PKHD1: variants seen among roughly 807,000 people sequenced by gnomAD.
The protein encoded by PKHD1 is fibrocystin.
PKHD1 carries 291 observed loss-of-function variants against 412.0 expected under a neutral mutation model. That is an observed-to-expected ratio of 0.71 (90% CI 0.64 to 0.78). The LOEUF is 0.78. Ranked by LOEUF, PKHD1 falls within the 30% of genes least tolerant of loss-of-function variation. The pLI, the probability that PKHD1 is intolerant of heterozygous loss-of-function variation, is 0.00. For synonymous variants in PKHD1, 1,777 were observed against 1,821.5 expected (o/e 0.98, Z 0.62); for missense variants, 4,825 against 4,950.7 (o/e 0.97, Z 0.76).
rs762013793 is a variant in PKHD1, at chr6:52,022,954, C to CA, written c.5237-11dup. 3 of 1,614,008 alleles carry CA rather than the reference C, an allele frequency of 1.9e-6. No homozygotes were observed. The highest frequency in any genetic ancestry group is 2.2e-5 in the South Asian group (2 of 91,064). On this transcript the variant is annotated splice_polypyrimidine_tract_variant and intron_variant, in intron 32 of 66. Transcript: ENST00000371117. ...CTTCCACCCAGGCAGCCTTTAAAGA[C>CA]AAAGGTACAAGTTCTTGATCATACA...
Position 51,620,944 on chromosome 6 carries a change from G to A in PKHD1, c.11786-1424C>T, listed in dbSNP as rs1366028262. Among the ~76,000 whole-genome samples the A allele has an allele frequency of 2.0e-5, 3 of 151,908 alleles. No homozygotes were observed. The East Asian group carries it at 5.8e-4, about 29-fold the overall frequency. On this transcript the variant is annotated intron_variant, in intron 66 of 66. Transcript: ENST00000371117. ...CTGTCTCCTGTTCCACAGTCCATTT[G>A]TCTAGCATGTATCTTCTACAGCCAT...
At position 51,619,258 on chromosome 6, in the gene PKHD1, C is replaced by G. The variant is rs773638089; in HGVS notation, c.12048G>C (p.Gln4016His). The change falls in exon 67 of 67, where the codon CAG (glutamine) becomes CAC (histidine). Residue 4016 changes from glutamine (Q) to histidine (H), a missense_variant. Transcript: ENST00000371117. ...LLRYQLAGQNQLLLLCPDFRQ... is the reference protein window; with the variant it reads ...LLRYQLAGQNHLLLLCPDFRQ... Reference sequence around the variant, plus strand: ...TGAAGTCTGGGCATAGCAGCAGCAGCTGATTTTGGCCTGCCAGCTGGTATC... The same window carrying G: ...TGAAGTCTGGGCATAGCAGCAGCAGGTGATTTTGGCCTGCCAGCTGGTATC... 1 of 1,614,272 alleles carries G rather than the reference C, an allele frequency of 6.2e-7. No homozygotes were observed. Among genetic ancestry groups the G allele is most frequent in the East Asian group, 2.2e-5 (1 of 44,886 alleles).
chr6:51,831,300 T>C (rs1315496702), intron 51 of PKHD1, among the ~76,000 whole-genome samples: 3 of 152,198 alleles, frequency 2.0e-5, no homozygotes, highest in African/African-American at 7.2e-5. Flanking sequence ...ATAATCTCAC[T>C]ACCTTGCAAT....
intron 36 of PKHD1, among the ~76,000 whole-genome samples, chr6:51,954,605 A>G (rs1344767669): frequency 6.6e-6 from 1 of 152,050 alleles, no homozygotes; most frequent in African/African-American, 2.4e-5. Flanking sequence ...TTCCTTTTTT[A>G]TTGTATATAT....
intron 50 of PKHD1, among the ~76,000 whole-genome samples, chr6:51,837,504 C>T (rs1373680997): frequency 6.6e-6 from 1 of 152,002 alleles, no homozygotes. Context: ...GTCAGGAGTT[C>T]AAGACCAGCC....
Position 52,026,032 on chromosome 6 carries a change from C to A in PKHD1, c.3778G>T (p.Ala1260Ser). ...ETLPAPQIPD[A>S]GAPTVPAAVE... The stretch of plus-strand genomic sequence containing the variant: ...GCAGCTGGAACAGTGGGAGCGCCCG[C>A]ATCGGGTATCTGGGGGGCTGGCAGG... Residue 1260 changes from alanine to serine, a missense_variant, in exon 32 of 67, where the codon GCG (alanine) becomes TCG (serine). Coordinates refer to ENST00000371117, the MANE Select transcript of PKHD1 (RefSeq NM_138694.4). 21 of 1,614,136 alleles carry A rather than the reference C, an allele frequency of 1.3e-5. No homozygotes were observed. The highest frequency in any genetic ancestry group is 1.8e-5 in the Non-Finnish European group (21 of 1,180,044).
rs545223516 is a variant in PKHD1 at position 51,885,856 on chromosome 6, A to T, written c.7215+11T>A. On this transcript the variant is annotated intron_variant, in intron 45 of 66. Transcript: ENST00000371117. Reference sequence around the variant, plus strand: ...AACAACAACAATAACAACAACAACAAAAAAGCTTACCTGGGCACCACCTGC... The same window carrying T: ...AACAACAACAATAACAACAACAACATAAAAGCTTACCTGGGCACCACCTGC... The T allele has an allele frequency of 2.2e-4, 351 of 1,565,350 alleles. 1 individual carries two copies. Among genetic ancestry groups the T allele is most frequent in the Middle Eastern group, 1.7e-4 (1 of 5,988 alleles).
chr6:51,654,048 G>A (rs1771403067), intron 61 of PKHD1, among the ~76,000 whole-genome samples: 2 of 152,106 alleles, frequency 1.3e-5, no homozygotes, highest in Non-Finnish European at 2.9e-5. Context: ...TTTAATTCAA[G>A]ATATTGGTTG....
In PKHD1 at chr6:52,033,044, ATG is replaced by A. The variant is rs1803311274; in HGVS notation, c.3348_3349del (p.Ile1117LysfsTer7). On this transcript the variant is annotated frameshift_variant, in exon 29 of 67. Coordinates refer to ENST00000371117, the MANE Select transcript of PKHD1 (RefSeq NM_138694.4). LOFTEE classifies it high-confidence loss of function. ...ACATATTTTACCTGCTATATTGCTT[ATG>A]TTTCTGCTCAGAGTCACAATAACTG... is the stretch of plus-strand genomic sequence containing the variant. 1 of 1,612,630 alleles carries A rather than the reference ATG, an allele frequency of 6.2e-7. No individual in the cohort carries two copies. Among genetic ancestry groups the A allele is most frequent in the Non-Finnish European group, 8.5e-7 (1 of 1,178,850 alleles).
chr6:52,086,510 A>T (rs1267257854), intron 1 of PKHD1, among the ~76,000 whole-genome samples: 2 of 152,206 alleles, frequency 1.3e-5, no homozygotes, highest in African/African-American at 4.8e-5. Flanking sequence ...CTCAAAAAAA[A>T]AATCTGCAAA....
chr6:51,897,865 T>C (rs1407705508), intron 43 of PKHD1, among the ~76,000 whole-genome samples: 24 of 151,024 alleles, frequency 1.6e-4, no homozygotes, highest in Non-Finnish European at 3.1e-4. Context: ...GTTGCAATCC[T>C]AGTCTCTGAT....
At chr6:51,942,920 G>A (rs1192759096) in intron 36 of PKHD1, among the ~76,000 whole-genome samples, 1 of 151,514 alleles carries the variant, frequency 6.6e-6, no homozygotes. Context: ...ATTTGCCCCT[G>A]CCCAGGACTG....
Position 51,619,004 on chromosome 6 carries a change from C to G in PKHD1, c.*77G>C. The G allele has an allele frequency of 3.0e-6, 4 of 1,326,024 alleles. No individual in the cohort carries two copies. The highest frequency in any genetic ancestry group is 4.3e-6 in the Non-Finnish European group (4 of 919,734). The allele number at this position is 1,326,024 out of a possible 1,614,324, so 82.1% of individuals were successfully genotyped here. ...TTCTTAGTTGTCCCAGCAGGACAGTCCTCACTTCCCCAGCTTATTATCCAG... is the reference window on the plus strand; with the variant it reads ...TTCTTAGTTGTCCCAGCAGGACAGTGCTCACTTCCCCAGCTTATTATCCAG... On this transcript the variant is annotated 3_prime_UTR_variant, in exon 67 of 67. Transcript: ENST00000371117.
At chr6:51,714,431 A>C (rs1305319491) in intron 60 of PKHD1, among the ~76,000 whole-genome samples, 1 of 151,890 alleles carries the variant, frequency 6.6e-6, no homozygotes. Context: ...TCCAATGAAC[A>C]CTCACCTTTC....
chr6:51,864,376 T>C (rs1311599062), intron 48 of PKHD1, among the ~76,000 whole-genome samples: 1 of 151,968 alleles, frequency 6.6e-6, no homozygotes, highest in Non-Finnish European at 1.5e-5. Context: ...CACCGAAAAA[T>C]GGCAAGCTAA....
At chr6:51,726,986 T>C (rs1782656217) in intron 60 of PKHD1, among the ~76,000 whole-genome samples, 1 of 152,118 alleles carries the variant, frequency 6.6e-6, no homozygotes, top group African/African-American at 2.4e-5. Context: ...TAGAGAGTTG[T>C]AGTAAAGGAG....
intron 46 of PKHD1, among the ~76,000 whole-genome samples, chr6:51,882,465 C>T (rs1313295036): frequency 6.6e-6 from 1 of 152,128 alleles, no homozygotes; most frequent in Non-Finnish European, 1.5e-5. Context: ...TTGAACTAAG[C>T]ACTCAGGAAC....
intron 27 of PKHD1, among the ~76,000 whole-genome samples, chr6:52,040,010 C>T (rs1026807786): frequency 1.3e-5 from 2 of 152,088 alleles, no homozygotes; most frequent in African/African-American, 4.8e-5. Flanking sequence ...TGTAAAAGGT[C>T]ACATGTTGCA....
chr6:52,044,863 T>A lies in PKHD1; in HGVS notation c.2715+103A>T, dbSNP rs1805525589. 4 of 1,324,888 alleles carry A rather than the reference T, an allele frequency of 3.0e-6. No individual in the cohort carries two copies. The East Asian group carries it at 9.2e-5, about 31-fold the overall frequency. The allele number at this position is 1,324,888 out of a possible 1,614,324, so 82.1% of individuals were successfully genotyped here. A position where few individuals can be genotyped will look rare whatever the true frequency, so the allele number is the denominator to read the frequency against. ...ACCCCTGTTTTACACATTGGCAAAA[T>A]GACCCTTAAGAGCTAAATCAATGAG... On this transcript the variant is annotated intron_variant, in intron 25 of 66. Transcript: ENST00000371117.
Sources: allele counts gnomAD v4.1 joint callset (sites outside exome capture counted in the v4.1 genomes callset), GRCh38; gene constraint gnomAD v4.1.1; transcripts MANE v1.5; gene names NCBI Gene and HGNC (gene_info 2026-07-23, HGNC 2026-07-21).